Variants in EPHA3 observed in about 807,000 individuals in gnomAD.
EPHA3 encodes the protein ephrin type-A receptor 3.
Under a neutral mutation model 107.1 loss-of-function variants are expected in EPHA3, and 42 were observed. That is an observed-to-expected ratio of 0.39 (90% CI 0.31 to 0.51). The LOEUF is 0.51. Ranked by LOEUF, EPHA3 falls within the 20% of genes least tolerant of loss-of-function variation. EPHA3 has a pLI of 0.78. For missense variants in EPHA3, 1,183 were observed against 1,211.2 expected (o/e 0.98, Z 0.35); for synonymous variants, 461 against 424.8 (o/e 1.09, Z -1.05).
chr3:89,453,456 T>C lies in EPHA3; in HGVS notation c.2690+3086T>C, dbSNP rs1710035605. ...TTCTTATATATTTTTCTTTAATACA[T>C]GAACTAATTTGATGTATTTTGTCAT... is the stretch of plus-strand genomic sequence containing the variant. On this transcript the variant is annotated intron_variant, in intron 15 of 16. Transcript: ENST00000336596. 2.6e-5 allele frequency among the ~76,000 whole-genome samples: 4 copies of C among 152,114 alleles called. No individual in the cohort carries two copies. In the South Asian group the frequency reaches 6.2e-4, roughly 24 times the overall value.
intron 3 of EPHA3, among the ~76,000 whole-genome samples, chr3:89,306,218 G>C (rs1024197214): frequency 5.3e-5 from 8 of 152,152 alleles, no homozygotes; most frequent in South Asian, 2.1e-4. Flanking sequence ...GGCACAAAGA[G>C]ATTAGGTAAT....
At chr3:89,237,242 C>T (rs1164545728) in intron 3 of EPHA3, among the ~76,000 whole-genome samples, 1 of 152,072 alleles carries the variant, frequency 6.6e-6, no homozygotes, top group Non-Finnish European at 1.5e-5. Flanking sequence ...TGTGATGGTG[C>T]GTGCCTGTAA....
intron 1 of EPHA3, among the ~76,000 whole-genome samples, chr3:89,118,321 G>A (rs1384184362): frequency 6.6e-6 from 1 of 151,846 alleles, no homozygotes; most frequent in Non-Finnish European, 1.5e-5. Flanking sequence ...TCAGATACAA[G>A]TGATTTTCTT....
At chr3:89,177,276 G>A (rs961806828) in intron 2 of EPHA3, among the ~76,000 whole-genome samples, 20 of 152,160 alleles carry the variant, frequency 1.3e-4, no homozygotes, top group African/African-American at 4.8e-4. Context: ...ATCTGCAAAA[G>A]GACACTTGTC....
intron 2 of EPHA3, among the ~76,000 whole-genome samples, chr3:89,176,883 T>A (rs1705330774): frequency 6.6e-6 from 1 of 152,266 alleles, no homozygotes; most frequent in East Asian, 1.9e-4. Context: ...ATATGGAGAT[T>A]AAAATAAATA....
At chr3:89,149,612 T>C (rs1445629842) in intron 2 of EPHA3, among the ~76,000 whole-genome samples, 3 of 151,548 alleles carry the variant, frequency 2.0e-5, no homozygotes, top group Non-Finnish European at 4.4e-5. Context: ...TTAGGTATAT[T>C]TCCTAATGCT....
At chr3:89,280,058 T>C (rs1023093959) in intron 3 of EPHA3, among the ~76,000 whole-genome samples, 3 of 150,438 alleles carry the variant, frequency 2.0e-5, no homozygotes, top group African/African-American at 4.9e-5. Context: ...TGTGTGTGTG[T>C]GCATTCATGC....
chr3:89,118,699 A>G (rs1198297075), intron 1 of EPHA3, among the ~76,000 whole-genome samples: 1 of 151,958 alleles, frequency 6.6e-6, no homozygotes, highest in African/African-American at 2.4e-5. Context: ...CTTTCATATT[A>G]TAATAATTTA....
At chr3:89,150,999 A>G (rs1704679579) in intron 2 of EPHA3, among the ~76,000 whole-genome samples, 1 of 152,032 alleles carries the variant, frequency 6.6e-6, no homozygotes, top group Admixed American at 6.6e-5. Context: ...CAATACAGAC[A>G]AGTTCTAACA....
intron 3 of EPHA3, among the ~76,000 whole-genome samples, chr3:89,273,048 G>A (rs1705717410): frequency 6.6e-6 from 1 of 151,844 alleles, no homozygotes; most frequent in Non-Finnish European, 1.5e-5. Flanking sequence ...GTAGCTTGTA[G>A]GCCAAAAATA....
chr3:89,232,356 C>T (rs190010772), intron 3 of EPHA3, among the ~76,000 whole-genome samples: 52 of 152,018 alleles, frequency 3.4e-4, no homozygotes, highest in South Asian at 2.1e-3. Context: ...GCCAGGCTGG[C>T]GGAGGCGGGA....
chr3:89,381,276 G>C (rs560007063), intron 5 of EPHA3, among the ~76,000 whole-genome samples: 2 of 151,900 alleles, frequency 1.3e-5, no homozygotes, highest in Admixed American at 6.6e-5. Flanking sequence ...CCGGCCTATA[G>C]GCTGGTTTTA....
chr3:89,468,707 G>A (rs1266375633), intron 15 of EPHA3, among the ~76,000 whole-genome samples: 3 of 152,018 alleles, frequency 2.0e-5, no homozygotes, highest in Non-Finnish European at 2.9e-5. Context: ...CTGATTTAAT[G>A]CTATTCTTAT....
intron 2 of EPHA3, among the ~76,000 whole-genome samples, chr3:89,176,313 G>A (rs1409914581): frequency 4.6e-5 from 7 of 151,588 alleles, no homozygotes; most frequent in African/African-American, 7.3e-5. Context: ...GTGAAACCCC[G>A]TCTTTACTAA....
intron 3 of EPHA3, among the ~76,000 whole-genome samples, chr3:89,268,440 A>G (rs1705587531): frequency 6.6e-6 from 1 of 152,136 alleles, no homozygotes. Flanking sequence ...GTGCATTCTC[A>G]GAAATTTAAA....
chr3:89,185,592 G>C (rs1418321516), intron 2 of EPHA3, among the ~76,000 whole-genome samples: 1 of 151,954 alleles, frequency 6.6e-6, no homozygotes, highest in Non-Finnish European at 1.5e-5. Flanking sequence ...ATCTTCTCTA[G>C]GGCTTAAACT....
chr3:89,456,505 A>G (rs533805568), intron 15 of EPHA3, among the ~76,000 whole-genome samples: 2 of 152,300 alleles, frequency 1.3e-5, no homozygotes, highest in African/African-American at 4.8e-5. Context: ...ACGTTGTTGC[A>G]TATACCGCAA....
At chr3:89,248,655 C>T (rs1262860896) in intron 3 of EPHA3, among the ~76,000 whole-genome samples, 1 of 152,122 alleles carries the variant, frequency 6.6e-6, no homozygotes, top group Non-Finnish European at 1.5e-5. Flanking sequence ...CGATAGTCAA[C>T]CAGATTATTC....
chr3:89,437,472 T>C (rs1426629152), intron 13 of EPHA3, among the ~76,000 whole-genome samples: 1 of 152,112 alleles, frequency 6.6e-6, no homozygotes, highest in Non-Finnish European at 1.5e-5. Context: ...TTTCTCATCA[T>C]GTGACTTTGA....
Sources: allele counts gnomAD v4.1 joint callset (sites outside exome capture counted in the v4.1 genomes callset), GRCh38; gene constraint gnomAD v4.1.1; transcripts MANE v1.5; gene names NCBI Gene and HGNC (gene_info 2026-07-23, HGNC 2026-07-21).